SLC24A5: variants seen among roughly 807,000 people sequenced by gnomAD.
SLC24A5 encodes the protein sodium/potassium/calcium exchanger 5.
SLC24A5 carries 46 observed loss-of-function variants against 51.6 expected under a neutral mutation model. The observed-to-expected ratio is 0.89, with a 90% CI of 0.70 to 1.14. The LOEUF (loss-of-function observed/expected upper bound fraction) is 1.14. SLC24A5 is among the 50% of genes most tolerant of loss of function. SLC24A5 has a pLI of 0.00. For synonymous variants in SLC24A5, 230 were observed against 214.9 expected, an observed-to-expected ratio of 1.07 and a Z score of -0.62; for missense variants, 581 against 604.1, an observed-to-expected ratio of 0.96 and a Z score of 0.40.
At chr15:48,126,170 C>A (rs1418910186) in intron 2 of SLC24A5, among the ~76,000 whole-genome samples, 3 of 152,118 alleles carry the variant, frequency 2.0e-5, no homozygotes, top group African/African-American at 7.2e-5. Flanking sequence ...TTTCCTTCTC[C>A]TTGCTCTGCT....
At chr15:48,139,949 A>G (rs2039011663) in intron 7 of SLC24A5, 1 of 152,128 alleles carries the variant, frequency 6.6e-6, no homozygotes, top group African/African-American at 2.4e-5. Context: ...GAATAACTGC[A>G]ACAGAAATCA....
chr15:48,135,083 C>A, intron 5 of SLC24A5, 99 bp downstream of exon 5: 1 of 841,866 alleles, frequency 1.2e-6, no homozygotes, highest in Non-Finnish European at 1.9e-6. Flanking sequence ...GTCACTTAAT[C>A]TGCCACTTCT....
intron 2 of SLC24A5, among the ~76,000 whole-genome samples, chr15:48,126,432 T>C (rs1000814902): frequency 2.0e-5 from 3 of 152,210 alleles, no homozygotes; most frequent in African/African-American, 4.8e-5. Flanking sequence ...ATTGGTGTTG[T>C]AGAGGGGACA....
At chr15:48,126,183 T>C (rs2038729131) in intron 2 of SLC24A5, among the ~76,000 whole-genome samples, 1 of 152,158 alleles carries the variant, frequency 6.6e-6, no homozygotes, top group Non-Finnish European at 1.5e-5. Context: ...GCTCTGCTCA[T>C]GATCATAAAA....
chr15:48,136,498 A>T, intron 5 of SLC24A5, 185 bp from the exon 6 acceptor site: 1 of 474,022 alleles, frequency 2.1e-6, no homozygotes, highest in Non-Finnish European at 3.6e-6. Context: ...TCCAGCTTTT[A>T]TCAATAAACA....
Position 48,137,034 on chromosome 15 carries a change from A to G in SLC24A5, c.871+71A>G. On this transcript the variant is annotated intron_variant, in intron 6 of 8. Coordinates refer to ENST00000341459, the MANE Select transcript of SLC24A5 (RefSeq NM_205850.3). ...AAACTTTAAAATTTCATTTCAATTC[A>G]GCAAGTATTGTGTGCTTTTTATGTA... 4 of 1,469,290 alleles carry G rather than the reference A, an allele frequency of 2.7e-6. No individual in the cohort carries two copies. The South Asian group carries it at 5.5e-5, about 20-fold the overall frequency. The allele number at this position is 1,469,290 out of a possible 1,614,324, so 91.0% of individuals were successfully genotyped here.
At chr15:48,131,981 G>A (rs1043545297) in intron 2 of SLC24A5, among the ~76,000 whole-genome samples, 11 of 152,124 alleles carry the variant, frequency 7.2e-5, no homozygotes, top group African/African-American at 2.2e-4. Context: ...GGTATCATCA[G>A]CAGACAGTAT....
chr15:48,141,883 C>A (rs2039102547), intron 8 of SLC24A5, 146 bp from the exon 9 acceptor site: 2 of 517,522 alleles, frequency 3.9e-6, no homozygotes, highest in Non-Finnish European at 3.3e-6. Flanking sequence ...TTTAAAAATA[C>A]AAATTCAGTA....
chr15:48,122,355 C>T (rs1006067782), intron 2 of SLC24A5: 6 of 509,898 alleles, frequency 1.2e-5, no homozygotes, highest in East Asian at 3.0e-5. Flanking sequence ...ACTTTGTGTG[C>T]GCTCCTAATA....
At chr15:48,141,926 G>T (rs776460023) in intron 8 of SLC24A5, 103 bp from the exon 9 acceptor site, 174 of 886,516 alleles carry the variant, frequency 2.0e-4, no homozygotes, top group Non-Finnish European at 2.7e-4. Flanking sequence ...TTTTCAAAAC[G>T]AATCAACAAC....
chr15:48,128,789 C>T (rs1394348723), intron 2 of SLC24A5, among the ~76,000 whole-genome samples: 1 of 152,216 alleles, frequency 6.6e-6, no homozygotes, highest in East Asian at 1.9e-4. Context: ...CTACACCAGG[C>T]ATACAGATCT....
chr15:48,130,964 A>G (rs1195314583), intron 2 of SLC24A5, among the ~76,000 whole-genome samples: 1 of 152,098 alleles, frequency 6.6e-6, no homozygotes, highest in Non-Finnish European at 1.5e-5. Flanking sequence ...CTAACTCTCA[A>G]CATTTCAGAT....
intron 2 of SLC24A5, among the ~76,000 whole-genome samples, chr15:48,129,400 T>G (rs1405165147): frequency 6.6e-6 from 1 of 152,148 alleles, no homozygotes; most frequent in Non-Finnish European, 1.5e-5. Context: ...ATCAGTTTGC[T>G]GTTGCACTTC....
Position 48,136,721 on chromosome 15 carries a change from A to T in SLC24A5, c.629A>T (p.Tyr210Phe), listed in dbSNP as rs1211989352. ...TTACTGCTTTTGATATATGGATTGT[A>T]TGTTTTGGTGCTGTGTTTTGACATT... is the stretch of plus-strand genomic sequence containing the variant. The part of the protein sequence containing the change: ...GALLLLIYGL[Y>F]VLVLCFDIKI... The change falls in exon 6 of 9, where the codon TAT (tyrosine) becomes TTT (phenylalanine). Residue 210 changes from tyrosine (Y) to phenylalanine (F), a missense_variant. Coordinates refer to ENST00000341459, the MANE Select transcript of SLC24A5 (RefSeq NM_205850.3). 2 of 1,613,104 alleles carry T rather than the reference A, an allele frequency of 1.2e-6. No individual in the cohort carries two copies. The highest frequency in any genetic ancestry group is 2.7e-5 in the African/African-American group (2 of 74,882).
chr15:48,138,144 T>C (rs1221121834), intron 6 of SLC24A5: 1 of 152,100 alleles, frequency 6.6e-6, no homozygotes, highest in East Asian at 1.9e-4. Context: ...AAATTATATC[T>C]AATATTACTT....
chr15:48,139,269 T>A lies in SLC24A5; in HGVS notation c.1078+94T>A, dbSNP rs2038981961. On this transcript the variant is annotated intron_variant, in intron 7 of 8. Coordinates refer to ENST00000341459, the MANE Select transcript of SLC24A5 (RefSeq NM_205850.3). ...CAAAGTAGTCTAGCTACACAGCAAA[T>A]TTCTTTTCAGCAAGATTGAAGATTA... is the stretch of plus-strand genomic sequence containing the variant. 4 of 1,042,056 alleles carry A rather than the reference T, an allele frequency of 3.8e-6. No homozygotes were observed. In the South Asian group the frequency reaches 6.1e-5, roughly 16 times the overall value. The allele number at this position is 1,042,056 out of a possible 1,614,324, so 64.6% of individuals were successfully genotyped here. A position where few individuals can be genotyped will look rare whatever the true frequency, so the allele number is the denominator to read the frequency against.
intron 7 of SLC24A5, chr15:48,140,272 C>A (rs1346338438): frequency 6.6e-6 from 1 of 151,640 alleles, no homozygotes; most frequent in Non-Finnish European, 1.5e-5. Context: ...TGAATTCTAG[C>A]AAAGCCAGTA....
chr15:48,123,229 T>G (rs935117117), intron 2 of SLC24A5: 1 of 151,792 alleles, frequency 6.6e-6, no homozygotes, highest in Non-Finnish European at 1.5e-5. Context: ...TACAAACATA[T>G]GCTTTTATCT....
Position 48,121,092 on chromosome 15 carries a change from C to G in SLC24A5, c.48C>G (p.Leu16=). ...CATGGGCGAGAAGGGCTCTGTTGCT[C>G]GGCATCCTGTGGGCCACTGCACATC... ...GQTWARRALL[L]GILWATAHLP... is the part of the protein sequence containing the mutation. The change falls in exon 1 of 9, where the codon CTC becomes CTG. Residue 16 remains leucine, a synonymous_variant. Transcript: ENST00000341459. 6.2e-7 allele frequency: 1 copy of G among 1,613,918 alleles called. No individual in the cohort carries two copies. Among genetic ancestry groups the G allele is most frequent in the Non-Finnish European group, 8.5e-7 (1 of 1,179,910 alleles).
Sources: gnomAD v4.1 joint callset for allele counts (sites outside exome capture counted in the v4.1 genomes callset) on GRCh38, gnomAD v4.1.1 for gene constraint, MANE v1.5 for transcripts, NCBI Gene and HGNC (gene_info 2026-07-23, HGNC 2026-07-21) for gene names.